Variants in FBXO5 observed in about 807,000 individuals in gnomAD.
The protein encoded by FBXO5 is F-box only protein 5.
Under a neutral mutation model 43.3 loss-of-function variants are expected in FBXO5, and 8 were observed. That is an observed-to-expected ratio of 0.18 (90% CI 0.11 to 0.33). FBXO5 has a LOEUF of 0.33. FBXO5 is among the 10% of genes least tolerant of loss of function. FBXO5 has a pLI of 1.00. For synonymous variants in FBXO5, 204 were observed against 193.7 expected (o/e 1.05, Z -0.44); for missense variants, 491 against 535.7 (o/e 0.92, Z 0.82).
intron 1 of FBXO5, among the ~76,000 whole-genome samples, chr6:152,982,439 C>G (rs554193939): frequency 1.8e-4 from 27 of 152,244 alleles, no homozygotes; most frequent in African/African-American, 6.5e-4. Context: ...CTGGCCAGGC[C>G]CTGGGGGCTT....
At chr6:152,971,567 T>C (rs1220681212) in intron 4 of FBXO5, among the ~76,000 whole-genome samples, 153 bp from the exon 5 acceptor site, 1 of 152,022 alleles carries the variant, frequency 6.6e-6, no homozygotes, top group Admixed American at 6.5e-5. Context: ...TATTGCCCTT[T>C]ATCTATGCAT....
chr6:152,983,412 T>G, upstream of FBXO5: 1 of 156,964 alleles, frequency 6.4e-6, no homozygotes, highest in Non-Finnish European at 1.4e-5. Context: ...AATTCAGCGC[T>G]GGCTTCCATC....
chr6:152,978,377 T>TGG (rs1157375982), intron 1 of FBXO5, among the ~76,000 whole-genome samples: 5 of 21,116 alleles, frequency 2.4e-4, no homozygotes, highest in Admixed American at 1.7e-3. Flanking sequence ...CTTCATTTTT[T>TGG]GGGGGGGGGG....
rs750308941 is a variant in FBXO5 at position 152,975,550 on chromosome 6, C to T, written c.175G>A (p.Gly59Arg). The T allele has an allele frequency of 4.7e-5, 76 of 1,612,588 alleles. No individual in the cohort carries two copies. The highest frequency in any genetic ancestry group is 1.1e-5 in the Non-Finnish European group (13 of 1,179,700). The change falls in exon 2 of 5, where the codon GGA becomes AGA. Residue 59 changes from glycine (G) to arginine (R), a missense_variant. Transcript: ENST00000229758. ...CDFNCNHVHSGLKLVKPDDIG... is the reference protein window; with the variant it reads ...CDFNCNHVHSRLKLVKPDDIG... ...TCATCAGGTTTTACCAGTTTAAGTC[C>T]GGAATGAACATGGTTACAATTAAAA...
At chr6:152,983,227 AGCTTACCG>A, upstream of FBXO5, 1 of 356,224 alleles carries the variant, frequency 2.8e-6, no homozygotes, top group Non-Finnish European at 5.0e-6. Context: ...GCCCCCTTCC[AGCTTACCG>A]GCTCCCCACG....
intron 1 of FBXO5, among the ~76,000 whole-genome samples, chr6:152,979,506 C>A (rs1180747990): frequency 2.0e-5 from 3 of 152,200 alleles, no homozygotes; most frequent in Admixed American, 6.5e-5. Context: ...TGTAAAGTTA[C>A]TCCTTTTTGT....
At chr6:152,978,389 G>A (rs1190309180) in intron 1 of FBXO5, among the ~76,000 whole-genome samples, 1 of 47,412 alleles carries the variant, frequency 2.1e-5, no homozygotes, top group African/African-American at 7.6e-5. Flanking sequence ...GGGGGGGGGG[G>A]GGGGCGGGGG....
chr6:152,983,103 G>T, upstream of FBXO5: 1 of 465,484 alleles, frequency 2.1e-6, no homozygotes, highest in Non-Finnish European at 3.7e-6. Flanking sequence ...AATCCGCGCG[G>T]TCCAATGAGA....
chr6:152,981,220 T>C (rs989647987), intron 1 of FBXO5, among the ~76,000 whole-genome samples: 1 of 152,208 alleles, frequency 6.6e-6, no homozygotes, highest in Non-Finnish European at 1.5e-5. Flanking sequence ...TGGCATTGTT[T>C]AAACTTCTCA....
At position 152,971,093 on chromosome 6, in the gene FBXO5, T is replaced by C; in HGVS notation, c.*70A>G. On this transcript the variant is annotated 3_prime_UTR_variant, in exon 5 of 5. Transcript: ENST00000229758. ...ATAAAATTGAAAATCACAATACAAT[T>C]TTTTTTAAGTTAAAACCTAACATTT... The C allele has an allele frequency of 1.4e-6, 2 of 1,463,138 alleles. No homozygotes were observed. The highest frequency in any genetic ancestry group is 2.5e-5 in the Admixed American group (1 of 40,660). The allele number at this position is 1,463,138 out of a possible 1,614,324, so 90.6% of individuals were successfully genotyped here.
intron 3 of FBXO5, chr6:152,972,823 T>A (rs1367798971): frequency 6.0e-6 from 3 of 501,160 alleles, no homozygotes; most frequent in Non-Finnish European, 1.1e-5. Flanking sequence ...AATGAGTAAT[T>A]TTCCCTTTGT....
intron 1 of FBXO5, among the ~76,000 whole-genome samples, chr6:152,977,538 TA>T (rs1188898521): frequency 3.3e-5 from 5 of 152,130 alleles, no homozygotes; most frequent in Non-Finnish European, 5.9e-5. Context: ...TTCAGCTGCA[TA>T]AAAAGCAAAG....
At chr6:152,976,921 A>C (rs1778176924) in intron 1 of FBXO5, among the ~76,000 whole-genome samples, 2 of 152,174 alleles carry the variant, frequency 1.3e-5, no homozygotes, top group African/African-American at 4.8e-5. Context: ...ATTAGACACC[A>C]GTGGCAGCCC....
At position 152,975,499 on chromosome 6, in the gene FBXO5, G is replaced by C. The variant is rs1390701475; in HGVS notation, c.226C>G (p.Pro76Ala). ...DDIGRLVSYT[P>A]AYLEGSCKDC... Reference sequence around the variant, plus strand: ...TTACAGGAACCTTCCAAATATGCAGGGGTGTAGGAAACTAGTCTTCCAATG... The same window carrying C: ...TTACAGGAACCTTCCAAATATGCAGCGGTGTAGGAAACTAGTCTTCCAATG... The change falls in exon 2 of 5, where the codon CCT becomes GCT. Residue 76 changes from proline to alanine, a missense_variant. Transcript: ENST00000229758. 1.9e-6 allele frequency: 3 copies of C among 1,613,766 alleles called. No homozygotes were observed. In the African/African-American group the frequency reaches 4.0e-5, roughly 22 times the overall value.
chr6:152,980,388 C>G (rs1186370549), intron 1 of FBXO5, among the ~76,000 whole-genome samples: 1 of 152,050 alleles, frequency 6.6e-6, no homozygotes, highest in Admixed American at 6.6e-5. Context: ...TGGTGGGAAA[C>G]ACAGGAAGCA....
chr6:152,981,687 T>C (rs1200795889), intron 1 of FBXO5, among the ~76,000 whole-genome samples: 1 of 151,340 alleles, frequency 6.6e-6, no homozygotes, highest in Non-Finnish European at 1.5e-5. Flanking sequence ...CATAAGGCCA[T>C]CAAGCTTCAG....
Position 152,972,264 on chromosome 6 carries a change from A to T in FBXO5, c.1092+8T>A, listed in dbSNP as rs778922273. On this transcript the variant is annotated splice_region_variant and intron_variant, in intron 4 of 4. Transcript: ENST00000229758. ...TGTTTTAAGATTTATGATTAGACAA[A>T]AAATTACCTCAGAGAATTCATTGTG... The T allele has an allele frequency of 6.3e-7, 1 of 1,595,570 alleles. No individual in the cohort carries two copies. Among genetic ancestry groups the T allele is most frequent in the South Asian group, 1.1e-5 (1 of 88,190 alleles).
chr6:152,974,074 T>G (rs1464995772), intron 2 of FBXO5: 2 of 152,058 alleles, frequency 1.3e-5, no homozygotes, highest in Non-Finnish European at 2.9e-5. Context: ...CTTGGTAGAT[T>G]GAGAAAGAAA....
At chr6:152,978,384 G>GTT in intron 1 of FBXO5, among the ~76,000 whole-genome samples, 1 of 54,342 alleles carries the variant, frequency 1.8e-5, no homozygotes, top group Non-Finnish European at 4.0e-5. Flanking sequence ...TTTTGGGGGG[G>GTT]GGGGGGGGGC....
Sources: allele counts gnomAD v4.1 joint callset (sites outside exome capture counted in the v4.1 genomes callset), GRCh38; gene constraint gnomAD v4.1.1; transcripts MANE v1.5; gene names NCBI Gene and HGNC (gene_info 2026-07-23, HGNC 2026-07-21).